AHCYL2: variants seen among roughly 807,000 people sequenced by gnomAD.
The protein encoded by AHCYL2 is S-adenosylhomocysteine hydrolase-like protein 2.
Under a neutral mutation model 81.4 loss-of-function variants are expected in AHCYL2, and 28 were observed. The ratio of observed to expected loss-of-function variants is 0.34; its 90% confidence interval spans 0.25 to 0.47. The LOEUF (loss-of-function observed/expected upper bound fraction) is 0.47. Ranked by LOEUF, AHCYL2 falls within the 20% of genes least tolerant of loss-of-function variation. The pLI is 1.00. For synonymous variants in AHCYL2, 272 were observed against 290.2 expected (o/e 0.94, Z 0.64); for missense variants, 551 against 785.1 (o/e 0.70, Z 3.56).
chr7:129,374,807 CA>C (rs35477492), intron 1 of AHCYL2, among the ~76,000 whole-genome samples: 291 of 84,874 alleles, frequency 3.4e-3, no homozygotes, highest in Middle Eastern at 7.1e-3. Flanking sequence ...AACTCCATCT[CA>C]AAAAAAAAAA....
At chr7:129,331,380 ATAT>A (rs550053779) in intron 1 of AHCYL2, among the ~76,000 whole-genome samples, 33 of 152,324 alleles carry the variant, frequency 2.2e-4, no homozygotes, top group African/African-American at 3.1e-4. Flanking sequence ...GTTATTTATA[ATAT>A]TATAAATTTA....
intron 1 of AHCYL2, among the ~76,000 whole-genome samples, chr7:129,266,546 A>G (rs1795817599): frequency 6.6e-6 from 1 of 152,138 alleles, no homozygotes; most frequent in African/African-American, 2.4e-5. Flanking sequence ...AAAAAAAAAA[A>G]TTACACCTTG....
chr7:129,388,858 G>C (rs1795322063), intron 2 of AHCYL2, 198 bp from the exon 3 acceptor site: 2 of 524,878 alleles, frequency 3.8e-6, no homozygotes, highest in Admixed American at 3.6e-5. Context: ...TTCAAGTTAA[G>C]GCTATCCAGG....
At chr7:129,255,510 C>T (rs192400526) in intron 1 of AHCYL2, among the ~76,000 whole-genome samples, 5 of 152,010 alleles carry the variant, frequency 3.3e-5, no homozygotes, top group Admixed American at 2.6e-4. Flanking sequence ...CAGTGTGGGT[C>T]GAAAGTAATT....
intron 1 of AHCYL2, among the ~76,000 whole-genome samples, chr7:129,321,957 G>A (rs1225473607): frequency 6.6e-6 from 1 of 151,794 alleles, no homozygotes; most frequent in African/African-American, 2.4e-5. Flanking sequence ...TGTATTTTTA[G>A]TAGAGATGGG....
chr7:129,248,317 C>G (rs1425519850), intron 1 of AHCYL2, among the ~76,000 whole-genome samples: 1 of 152,124 alleles, frequency 6.6e-6, no homozygotes, highest in Non-Finnish European at 1.5e-5. Context: ...TATAAAAATC[C>G]TGGGATGCTC....
chr7:129,364,229 T>TTAGAA (rs950347031), intron 1 of AHCYL2, among the ~76,000 whole-genome samples: 15 of 152,110 alleles, frequency 9.9e-5, no homozygotes, highest in African/African-American at 1.9e-4. Flanking sequence ...CCCTCTTAGG[T>TTAGAA]TAGAATAGAA....
chr7:129,349,006 A>T (rs961093250), intron 1 of AHCYL2, among the ~76,000 whole-genome samples: 1 of 152,168 alleles, frequency 6.6e-6, no homozygotes, highest in Non-Finnish European at 1.5e-5. Context: ...CTGCTGTCAG[A>T]TCGTTTTCTC....
intron 1 of AHCYL2, among the ~76,000 whole-genome samples, chr7:129,267,441 A>T (rs886833135): frequency 6.6e-6 from 1 of 151,846 alleles, no homozygotes; most frequent in Non-Finnish European, 1.5e-5. Context: ...AGTAGCTGGG[A>T]TTGTAGGTGC....
chr7:129,303,612 G>A (rs1455180547), intron 1 of AHCYL2, among the ~76,000 whole-genome samples: 4 of 151,784 alleles, frequency 2.6e-5, no homozygotes, highest in Non-Finnish European at 5.9e-5. Flanking sequence ...TTTTTATTTT[G>A]TTGATATTTT....
At chr7:129,355,255 T>A (rs1299243438) in intron 1 of AHCYL2, among the ~76,000 whole-genome samples, 3 of 151,634 alleles carry the variant, frequency 2.0e-5, no homozygotes, top group Non-Finnish European at 4.4e-5. Flanking sequence ...TGTAAAATTG[T>A]CCCCAGGTGT....
chr7:129,410,040 CTCTAAA>C, intron 11 of AHCYL2: 1 of 974,050 alleles, frequency 1.0e-6, no homozygotes, highest in Non-Finnish European at 1.5e-6. Context: ...GCACTCAATT[CTCTAAA>C]TCTGGTTTGT....
intron 1 of AHCYL2, among the ~76,000 whole-genome samples, chr7:129,260,419 G>C (rs1288519370): frequency 1.3e-5 from 2 of 152,156 alleles, no homozygotes; most frequent in Non-Finnish European, 2.9e-5. Context: ...AATACTTGTA[G>C]ACAGTTCTGC....
At position 129,405,080 on chromosome 7, in the gene AHCYL2, G is replaced by T. The variant is rs879027815; in HGVS notation, c.1026-17G>T. 26 of 1,545,232 alleles carry T rather than the reference G, an allele frequency of 1.7e-5. No individual in the cohort carries two copies. In the South Asian group the frequency reaches 2.5e-4, roughly 15 times the overall value. ...AATGTCCTGGTGTTTTTTGTTCTTGGCTTCCCTCATCCTCAGGCTGTACCA... is the reference window on the plus strand; with the variant it reads ...AATGTCCTGGTGTTTTTTGTTCTTGTCTTCCCTCATCCTCAGGCTGTACCA... On this transcript the variant is annotated splice_polypyrimidine_tract_variant and intron_variant, in intron 7 of 16. Transcript: ENST00000325006.
At chr7:129,370,784 T>G (rs575479535) in intron 1 of AHCYL2, among the ~76,000 whole-genome samples, 1 of 152,320 alleles carries the variant, frequency 6.6e-6, no homozygotes, top group African/African-American at 2.4e-5. Flanking sequence ...CTTAGGAATT[T>G]CTCAGCCATT....
At chr7:129,378,406 C>T (rs1443313990) in intron 1 of AHCYL2, among the ~76,000 whole-genome samples, 2 of 152,072 alleles carry the variant, frequency 1.3e-5, no homozygotes, top group African/African-American at 4.8e-5. Flanking sequence ...GCAAGAGTTA[C>T]GAGAGCATTG....
intron 1 of AHCYL2, among the ~76,000 whole-genome samples, chr7:129,276,990 C>T (rs534104617): frequency 3.9e-5 from 6 of 151,932 alleles, no homozygotes; most frequent in East Asian, 1.9e-4. Flanking sequence ...AAAAGAACAG[C>T]GTTGTGAAAA....
At chr7:129,277,724 C>A (rs749976504) in intron 1 of AHCYL2, among the ~76,000 whole-genome samples, 9 of 152,114 alleles carry the variant, frequency 5.9e-5, no homozygotes, top group African/African-American at 2.2e-4. Flanking sequence ...ATTCTGGCTT[C>A]TTCCACTTAG....
At chr7:129,348,534 C>G (rs1384129547) in intron 1 of AHCYL2, among the ~76,000 whole-genome samples, 2 of 152,078 alleles carry the variant, frequency 1.3e-5, no homozygotes, top group African/African-American at 4.8e-5. Flanking sequence ...CTCTTTATAT[C>G]TCTTGAACTT....
Sources: allele counts gnomAD v4.1 joint callset (sites outside exome capture counted in the v4.1 genomes callset), GRCh38; gene constraint gnomAD v4.1.1; transcripts MANE v1.5; gene names NCBI Gene and HGNC (gene_info 2026-07-23, HGNC 2026-07-21).